Variants in CTSB observed in about 807,000 individuals in gnomAD.
The protein encoded by CTSB is cathepsin B.
In CTSB, 57 loss-of-function variants were observed where a neutral mutation model predicts 44.3. The observed-to-expected ratio is 1.29, with a 90% CI of 1.04 to 1.60. CTSB has a LOEUF of 1.60. CTSB is among the 40% of genes most tolerant of loss of function. CTSB has a pLI of 0.00. For missense variants in CTSB, 768 were observed against 443.0 expected, an observed-to-expected ratio of 1.73 and a Z score of -6.59; for synonymous variants, 320 against 168.0, an observed-to-expected ratio of 1.91 and a Z score of -7.00.
chr8:11,857,599 G>A lies in CTSB; in HGVS notation c.-25-4120C>T, dbSNP rs1261652989. On this transcript the variant is annotated intron_variant, in intron 1 of 9. Coordinates refer to ENST00000353047, the MANE Select transcript of CTSB (RefSeq NM_001908.5). ...GTGGTGGCTGAGAACACAGGCAGCT[G>A]CCATGTCCAGTGGCTCTCAACTCCT... Among the ~76,000 whole-genome samples the A allele has an allele frequency of 2.0e-5, 3 of 152,188 alleles. No homozygotes were observed. The East Asian group carries it at 5.8e-4, about 29-fold the overall frequency.
At position 11,853,429 on chromosome 8, in the gene CTSB, C is replaced by T. The variant is rs747391958; in HGVS notation, c.26G>A (p.Cys9Tyr). The change falls in exon 2 of 10, where the codon TGC becomes TAC. Residue 9 changes from cysteine (C) to tyrosine (Y), a missense_variant. Cys to Tyr is a radical substitution (Grantham distance 194). Transcript: ENST00000353047. ...GGCATTGGCCAACACCAGCAGGCAG[C>T]AGAGGGAGGCCCAGAGCTGCCACAT... Reference protein sequence around the residue: MWQLWASLCCLLVLANARS... With the variant: MWQLWASLYCLLVLANARS... The T allele has an allele frequency of 3.1e-6, 5 of 1,612,114 alleles. No homozygotes were observed. In the East Asian group the frequency reaches 8.9e-5, roughly 29 times the overall value.
chr8:11,847,648 G>T (rs186642844), intron 7 of CTSB, 31 bp downstream of exon 7: 14 of 1,504,492 alleles, frequency 9.3e-6, no homozygotes, highest in Non-Finnish European at 1.2e-5. Context: ...CAGCCTCCAC[G>T]TGCGCCGTGG....
chr8:11,862,859 C>T (rs1339886219), intron 1 of CTSB, among the ~76,000 whole-genome samples: 1 of 152,238 alleles, frequency 6.6e-6, no homozygotes, highest in Non-Finnish European at 1.5e-5. Flanking sequence ...GGTCCCGTTA[C>T]CATCTTGGCC....
chr8:11,847,937 G>A, intron 6 of CTSB, 115 bp from the exon 7 acceptor site: 3 of 1,371,832 alleles, frequency 2.2e-6, no homozygotes, highest in South Asian at 2.7e-5. Flanking sequence ...CCAGAGGCCT[G>A]TGCACCTGGC....
At chr8:11,856,706 G>A (rs1439894621) in intron 1 of CTSB, among the ~76,000 whole-genome samples, 3 of 152,142 alleles carry the variant, frequency 2.0e-5, no homozygotes. Flanking sequence ...CAAGCTGTGG[G>A]TGACTGAGGA....
At chr8:11,862,603 G>A (rs554665042) in intron 1 of CTSB, 1 of 152,384 alleles carries the variant, frequency 6.6e-6, no homozygotes, top group South Asian at 2.1e-4. Context: ...TGAGTGGGTT[G>A]GGAATGGGTG....
rs941572208 is a variant in CTSB at position 11,843,224 on chromosome 8, G to A, written c.*1901C>T. 2.6e-5 allele frequency: 4 copies of A among 152,264 alleles called. No individual in the cohort carries two copies. Among genetic ancestry groups the A allele is most frequent in the Admixed American group, 6.5e-5 (1 of 15,284 alleles). 9.4% of individuals were successfully genotyped at this position (152,264 alleles called of 1,614,324 possible). ...GGCCTCCCAAAGTGCTGGGATTACA[G>A]GCGTGAGCCACGACGGCCGGCTGTT... On this transcript the variant is annotated 3_prime_UTR_variant, in exon 10 of 10. Coordinates refer to ENST00000353047, the MANE Select transcript of CTSB (RefSeq NM_001908.5).
intron 1 of CTSB, among the ~76,000 whole-genome samples, chr8:11,859,050 T>A (rs534651071): frequency 4.0e-4 from 61 of 152,202 alleles, no homozygotes; most frequent in African/African-American, 1.4e-3. Flanking sequence ...AGATGTCATC[T>A]CTAGACCTTG....
At chr8:11,845,866 G>A (rs898577854) in intron 8 of CTSB, 77 bp from the exon 9 acceptor site, 2 of 1,468,526 alleles carry the variant, frequency 1.4e-6, no homozygotes, top group African/African-American at 2.8e-5. Context: ...CACTCAGCTG[G>A]TCATGCTCCG....
chr8:11,845,827 C>T (rs2272764), intron 8 of CTSB, 38 bp from the exon 9 acceptor site: 24 of 1,580,862 alleles, frequency 1.5e-5, no homozygotes, highest in Non-Finnish European at 2.0e-5. Flanking sequence ...GAGACCGGGC[C>T]ACTGTCCCAC....
chr8:11,859,514 G>C (rs563387082), intron 1 of CTSB, among the ~76,000 whole-genome samples: 4 of 151,936 alleles, frequency 2.6e-5, no homozygotes, highest in African/African-American at 9.7e-5. Flanking sequence ...TAATCCCAGC[G>C]CTTTGGGAGG....
chr8:11,845,517 TGCCTGGCACTTAGGAGGAGCTCACA>T (rs1298675587), intron 9 of CTSB, 119 bp downstream of exon 9: 29 of 989,704 alleles, frequency 2.9e-5, no homozygotes, highest in African/African-American at 6.5e-5. Flanking sequence ...AACTCCTGAC[TGCCTGGCACTTAGGAGGAGCTCACA>T]GCCTGGCCGT....
chr8:11,849,211 G>C (rs769275679), intron 4 of CTSB, 47 bp from the exon 5 acceptor site: 1 of 1,514,042 alleles, frequency 6.6e-7, no homozygotes, highest in Non-Finnish European at 9.1e-7. Flanking sequence ...TCCGGGCTGG[G>C]CCCTCTGCAG....
chr8:11,850,900 T>A lies in CTSB; in HGVS notation c.293A>T (p.Glu98Val). Residue 98 changes from glutamate (E) to valine (V), a missense_variant, in exon 4 of 10, where the codon GAG becomes GTG. Physicochemically the swap from Glu to Val is moderately radical, Grantham distance 121 (BLOSUM62 -2). Coordinates refer to ENST00000353047, the MANE Select transcript of CTSB (RefSeq NM_001908.5). Reference sequence around the variant, plus strand: ...GCCACAGGAGCCCTGGTCTCTGATCTCTTTGATGGTGGGACACTGTGGCCA... The same window carrying A: ...GCCACAGGAGCCCTGGTCTCTGATCACTTTGATGGTGGGACACTGTGGCCA... ...EQWPQCPTIK[E>V]IRDQGSCGSC... 6.2e-7 allele frequency: 1 copy of A among 1,613,552 alleles called. No individual in the cohort carries two copies. Among genetic ancestry groups the A allele is most frequent in the Non-Finnish European group, 8.5e-7 (1 of 1,179,628 alleles).
intron 4 of CTSB, 183 bp from the exon 5 acceptor site, chr8:11,849,347 C>T (rs13280858): frequency 0.6 from 286,680 of 474,204 alleles, 87,384 homozygotes; most frequent in Middle Eastern, 0.65. Flanking sequence ...GGTCTTGCTA[C>T]GTTGGCCAGA....
intron 5 of CTSB, chr8:11,848,621 C>T (rs1037703305): frequency 2.0e-4 from 63 of 312,110 alleles, no homozygotes; most frequent in Admixed American, 9.3e-4. Flanking sequence ...ACCGCTACTG[C>T]GGAACCAAGG....
intron 6 of CTSB, 36 bp downstream of exon 6, chr8:11,848,031 C>T (rs753355019): frequency 2.0e-5 from 30 of 1,525,010 alleles, no homozygotes; most frequent in East Asian, 4.5e-5. Context: ...TCAAACAATC[C>T]ATCTGGCCAG....
At chr8:11,864,849 G>C (rs1029752843) in intron 1 of CTSB, among the ~76,000 whole-genome samples, 42 of 151,684 alleles carry the variant, frequency 2.8e-4, no homozygotes, top group Admixed American at 2.3e-3. Flanking sequence ...GGGAGGTGAG[G>C]TTGCAGTGAG....
intron 1 of CTSB, among the ~76,000 whole-genome samples, chr8:11,858,452 G>A (rs1019128426): frequency 6.6e-6 from 1 of 151,960 alleles, no homozygotes; most frequent in Non-Finnish European, 1.5e-5. Context: ...ACACCACTAC[G>A]CCCAGCTTTG....
Sources: allele counts gnomAD v4.1 joint callset (sites outside exome capture counted in the v4.1 genomes callset), GRCh38; gene constraint gnomAD v4.1.1; transcripts MANE v1.5; gene names NCBI Gene and HGNC (gene_info 2026-07-23, HGNC 2026-07-21).